Variants in SRRM4 observed in about 807,000 individuals in gnomAD.
The protein encoded by SRRM4 is serine/arginine repetitive matrix protein 4.
A neutral mutation model predicts 68.9 loss-of-function variants in SRRM4; 33 were observed. That is an observed-to-expected ratio of 0.48 (90% CI 0.36 to 0.64). The LOEUF (loss-of-function observed/expected upper bound fraction) is 0.64, where lower values mean the gene tolerates loss of function less well. SRRM4 is among the 30% of genes least tolerant of loss of function. SRRM4 has a pLI of 0.00. For missense variants in SRRM4, 817 were observed against 827.1 expected (o/e 0.99, Z 0.15); for synonymous variants, 318 against 318.8 (o/e 1.00, Z 0.03).
At chr12:119,035,950 G>C (rs1040638491) in intron 1 of SRRM4, among the ~76,000 whole-genome samples, 1 of 152,154 alleles carries the variant, frequency 6.6e-6, no homozygotes, top group Non-Finnish European at 1.5e-5. Flanking sequence ...TCTAAGAGGG[G>C]CTTAGTCGAT....
At chr12:119,101,563 T>A (rs1954077687) in intron 1 of SRRM4, among the ~76,000 whole-genome samples, 1 of 151,952 alleles carries the variant, frequency 6.6e-6, no homozygotes, top group Non-Finnish European at 1.5e-5. Flanking sequence ...TTTTATCTCA[T>A]TTTATCTTCA....
chr12:119,075,386 AGG>A (rs1953901468), intron 1 of SRRM4, among the ~76,000 whole-genome samples: 3 of 136,778 alleles, frequency 2.2e-5, no homozygotes, highest in African/African-American at 8.6e-5. Context: ...AATGATGGTG[AGG>A]ATGATGATGA....
chr12:118,999,088 A>C (rs905538752), intron 1 of SRRM4, among the ~76,000 whole-genome samples: 2 of 152,226 alleles, frequency 1.3e-5, no homozygotes, highest in Non-Finnish European at 2.9e-5. Flanking sequence ...AATCTTGGTG[A>C]AGACAGGGCA....
rs149132041 is a variant in SRRM4, at chr12:119,152,507, CA to C, written c.1281-1024del. Among the ~76,000 whole-genome samples, 753 of 151,668 alleles carry C rather than the reference CA, an allele frequency of 5.0e-3. 4 individuals are homozygous for C. The highest frequency in any genetic ancestry group is 0.017 in the African/African-American group (713 of 41,362). ...ACTCCCTCATTTACTACATTATTAA[CA>C]AAAAAAAGATAAGAATTGAACCAGT... On this transcript the variant is annotated intron_variant, in intron 10 of 12. Coordinates refer to ENST00000267260, the MANE Select transcript of SRRM4 (RefSeq NM_194286.4).
Position 119,030,598 on chromosome 12 carries a change from T to C in SRRM4, c.131+48585T>C, listed in dbSNP as rs77167381. Reference sequence around the variant, plus strand: ...GTAAACATTATTCACTTTTTATTGGTATATCTGCAGTCTTTTTCTCTATGC... The same window carrying C: ...GTAAACATTATTCACTTTTTATTGGCATATCTGCAGTCTTTTTCTCTATGC... On this transcript the variant is annotated intron_variant, in intron 1 of 12. Coordinates refer to ENST00000267260, the MANE Select transcript of SRRM4 (RefSeq NM_194286.4). Among the ~76,000 whole-genome samples, 572 of 152,320 alleles carry C rather than the reference T, an allele frequency of 3.8e-3. 6 individuals are homozygous for C. Among genetic ancestry groups the C allele is most frequent in the African/African-American group, 0.013 (536 of 41,566 alleles).
At position 119,154,397 on chromosome 12, in the gene SRRM4, G is replaced by C; in HGVS notation, c.1532+14G>C. 1 of 1,611,304 alleles carries C rather than the reference G, an allele frequency of 6.2e-7. No homozygotes were observed. The highest frequency in any genetic ancestry group is 8.5e-7 in the Non-Finnish European group (1 of 1,179,012). Reference sequence around the variant, plus strand: ...GAGGATAACCAGGTGAGGCCAGGGGGCAAGGGGGACCCACCTTCATCCTCG... The same window carrying C: ...GAGGATAACCAGGTGAGGCCAGGGGCCAAGGGGGACCCACCTTCATCCTCG... On this transcript the variant is annotated intron_variant, in intron 12 of 12. Coordinates refer to ENST00000267260, the MANE Select transcript of SRRM4 (RefSeq NM_194286.4). This position sits in a 1 kb window ranked among gnomAD's most constrained non-coding sequence, Gnocchi z 4.7.
intron 9 of SRRM4, 123 bp from the exon 10 acceptor site, chr12:119,150,894 G>A: frequency 1.2e-6 from 1 of 836,728 alleles, no homozygotes; most frequent in Non-Finnish European, 1.9e-6. Flanking sequence ...GAATAGGATG[G>A]GAAAAGGGGC....
At chr12:119,008,745 G>A (rs1953430758) in intron 1 of SRRM4, among the ~76,000 whole-genome samples, 1 of 152,026 alleles carries the variant, frequency 6.6e-6, no homozygotes. Flanking sequence ...TCCCTCATCA[G>A]TGCTGTTTTT....
At chr12:119,132,599 C>G (rs2067309616) in intron 8 of SRRM4, among the ~76,000 whole-genome samples, 1 of 152,210 alleles carries the variant, frequency 6.6e-6, no homozygotes, top group African/African-American at 2.4e-5. Flanking sequence ...TCCTCCCACA[C>G]AAGCTGGGGA....
At chr12:119,074,382 T>C (rs1020631017) in intron 1 of SRRM4, among the ~76,000 whole-genome samples, 4 of 152,174 alleles carry the variant, frequency 2.6e-5, no homozygotes, top group African/African-American at 9.7e-5. Context: ...AGAAGCACCA[T>C]CTTTGTGAGC....
chr12:119,039,584 G>A (rs1054346883), intron 1 of SRRM4, among the ~76,000 whole-genome samples: 12 of 152,136 alleles, frequency 7.9e-5, no homozygotes, highest in Admixed American at 5.2e-4. Flanking sequence ...CCCCAGTTTC[G>A]TCACTGAAAG....
intron 1 of SRRM4, among the ~76,000 whole-genome samples, chr12:119,003,613 C>T (rs1418290828): frequency 6.6e-6 from 1 of 151,878 alleles, no homozygotes; most frequent in Non-Finnish European, 1.5e-5. Flanking sequence ...GGCTAAGATA[C>T]CACACCCAGA....
chr12:119,113,130 CTA>C, intron 2 of SRRM4, among the ~76,000 whole-genome samples: 1 of 152,180 alleles, frequency 6.6e-6, no homozygotes, highest in Middle Eastern at 3.4e-3. Context: ...ATAAATATAG[CTA>C]TATGATTCTT....
At chr12:118,992,204 G>A (rs1464304330) in intron 1 of SRRM4, 4 of 152,178 alleles carry the variant, frequency 2.6e-5, no homozygotes, top group Non-Finnish European at 5.9e-5. Context: ...TAGTCTGCAG[G>A]TGAGCTCTGG....
intron 7 of SRRM4, among the ~76,000 whole-genome samples, chr12:119,128,652 C>A (rs1271063216): frequency 6.6e-6 from 1 of 152,160 alleles, no homozygotes; most frequent in Admixed American, 6.5e-5. Flanking sequence ...TTTTGGTGGG[C>A]AAAGGGATCT....
chr12:119,141,590 C>T (rs760404517), intron 8 of SRRM4, among the ~76,000 whole-genome samples: 2 of 152,132 alleles, frequency 1.3e-5, no homozygotes, highest in Non-Finnish European at 2.9e-5. Flanking sequence ...TGGGCCTGAT[C>T]ACCCAGTTGT....
intron 8 of SRRM4, among the ~76,000 whole-genome samples, chr12:119,132,843 C>T (rs1461190283): frequency 6.6e-6 from 1 of 152,126 alleles, no homozygotes; most frequent in African/African-American, 2.4e-5. Flanking sequence ...TGGGCCATGG[C>T]AAGGCAGAGT....
At chr12:119,081,036 G>A (rs1481216815) in intron 1 of SRRM4, among the ~76,000 whole-genome samples, 1 of 152,136 alleles carries the variant, frequency 6.6e-6, no homozygotes, top group Non-Finnish European at 1.5e-5. Context: ...CCATTTGCTT[G>A]TTCATTTAAC....
At chr12:119,025,468 G>C (rs1325661246) in intron 1 of SRRM4, among the ~76,000 whole-genome samples, 1 of 151,518 alleles carries the variant, frequency 6.6e-6, no homozygotes, top group Non-Finnish European at 1.5e-5. Context: ...TCTTGAGACT[G>C]AGTTTCACTC....
Sources: gnomAD v4.1 joint callset for allele counts (sites outside exome capture counted in the v4.1 genomes callset) on GRCh38, gnomAD v4.1.1 for gene constraint, Gnocchi (gnomAD v3.1) non-coding constraint, MANE v1.5 for transcripts, NCBI Gene and HGNC (gene_info 2026-07-23, HGNC 2026-07-21) for gene names.